The following TACC3 variants were observed in gnomAD, a reference collection of about 807,000 sequenced individuals.
TACC3 encodes the protein transforming acidic coiled-coil-containing protein 3.
A neutral mutation model predicts 86.0 loss-of-function variants in TACC3; 52 were observed. The observed-to-expected ratio is 0.60, with a 90% CI of 0.48 to 0.76. The LOEUF is 0.76. TACC3 is among the 30% of genes least tolerant of loss of function. TACC3 has a pLI of 0.00. For missense variants in TACC3, 1,120 were observed against 1,070.4 expected (o/e 1.05, Z -0.65); for synonymous variants, 512 against 430.0 (o/e 1.19, Z -2.36).
intron 13 of TACC3, among the ~76,000 whole-genome samples, chr4:1,743,033 G>A (rs962390238): frequency 6.6e-6 from 1 of 152,072 alleles, no homozygotes; most frequent in African/African-American, 2.4e-5. Context: ...GGAGGCCAAG[G>A]CGGGAGGATC....
intron 3 of TACC3, among the ~76,000 whole-genome samples, chr4:1,724,380 T>A: frequency 9.5e-6 from 1 of 105,258 alleles, no homozygotes; most frequent in East Asian, 2.4e-4. Flanking sequence ...CATACTTCAC[T>A]TTTTTTTTTT....
At chr4:1,741,283 T>C in intron 13 of TACC3, 1 of 256,926 alleles carries the variant, frequency 3.9e-6, no homozygotes, top group Non-Finnish European at 7.4e-6. Context: ...GAGACAGCGC[T>C]GGTGCACCGG....
At chr4:1,724,239 TG>T (rs1717573910) in intron 3 of TACC3, among the ~76,000 whole-genome samples, 1 of 151,812 alleles carries the variant, frequency 6.6e-6, no homozygotes, top group Non-Finnish European at 1.5e-5. Context: ...CACAAAGTGC[TG>T]GGATTACAGG....
At chr4:1,732,683 T>C (rs933277057) in intron 6 of TACC3, among the ~76,000 whole-genome samples, 1 of 152,238 alleles carries the variant, frequency 6.6e-6, no homozygotes, top group Non-Finnish European at 1.5e-5. Context: ...GGGATGGGCC[T>C]GTCACCCTCA....
At chr4:1,733,194 T>C (rs2108698894) in intron 6 of TACC3, among the ~76,000 whole-genome samples, 1 of 152,344 alleles carries the variant, frequency 6.6e-6, no homozygotes, top group South Asian at 2.1e-4. Flanking sequence ...AGCGTCTTTT[T>C]ATGTGCTCGT....
At chr4:1,736,318 G>C (rs1718259930) in intron 8 of TACC3, among the ~76,000 whole-genome samples, 1 of 148,312 alleles carries the variant, frequency 6.7e-6, no homozygotes, top group South Asian at 2.1e-4. Flanking sequence ...AGCTACTTGG[G>C]AAGCCGAGGC....
chr4:1,738,933 C>A (rs1440280925), intron 10 of TACC3, among the ~76,000 whole-genome samples: 3 of 152,072 alleles, frequency 2.0e-5, no homozygotes, highest in African/African-American at 7.2e-5. Flanking sequence ...ATGTGAACTA[C>A]TGATTAGGAC....
chr4:1,745,085 G>A lies in TACC3; in HGVS notation c.*72G>A, dbSNP rs1414081609. 6 of 1,473,654 alleles carry A rather than the reference G, an allele frequency of 4.1e-6. No homozygotes were observed. Among genetic ancestry groups the A allele is most frequent in the Non-Finnish European group, 4.6e-6 (5 of 1,088,988 alleles). The allele number at this position is 1,473,654 out of a possible 1,614,324, so 91.3% of individuals were successfully genotyped here. A position where few individuals can be genotyped will look rare whatever the true frequency, so the allele number is the denominator to read the frequency against. On this transcript the variant is annotated 3_prime_UTR_variant, in exon 16 of 16. Transcript: ENST00000313288. ...CCTGTCTGATTCTCTTAGGTGTCATGTTCTTTTTTCTGTCTTGTCTTCAAC... is the reference window on the plus strand; with the variant it reads ...CCTGTCTGATTCTCTTAGGTGTCATATTCTTTTTTCTGTCTTGTCTTCAAC...
intron 10 of TACC3, chr4:1,739,433 GACAC>G: frequency 1.9e-6 from 1 of 539,012 alleles, no homozygotes; most frequent in Non-Finnish European, 3.3e-6. Context: ...CAGCTGCAGG[GACAC>G]ACACCTGTTG....
intron 4 of TACC3, among the ~76,000 whole-genome samples, chr4:1,729,167 G>A (rs1212552596): frequency 3.9e-5 from 6 of 152,184 alleles, no homozygotes; most frequent in East Asian, 1.9e-4. Context: ...GGTGGCGTCC[G>A]CTGCTTGCTG....
intron 10 of TACC3, among the ~76,000 whole-genome samples, chr4:1,738,671 C>T (rs1718410462): frequency 6.6e-6 from 1 of 152,170 alleles, no homozygotes; most frequent in South Asian, 2.1e-4. Flanking sequence ...CACACCTGAA[C>T]AAGGGAGGGG....
Position 1,723,716 on chromosome 4 carries a change from A to G in TACC3, c.163-12A>G, listed in dbSNP as rs1481942605. Reference sequence around the variant, plus strand: ...CTAATGAATAGGTGCTCTCCTCCTCACTCCGCAACAGGTGACTTTTCAGAC... The same window carrying G: ...CTAATGAATAGGTGCTCTCCTCCTCGCTCCGCAACAGGTGACTTTTCAGAC... On this transcript the variant is annotated splice_polypyrimidine_tract_variant and intron_variant, in intron 2 of 15. Transcript: ENST00000313288. The G allele has an allele frequency of 2.5e-6, 4 of 1,613,510 alleles. No homozygotes were observed. The Admixed American group carries it at 5.0e-5, about 20-fold the overall frequency.
At chr4:1,723,908 CCT>C (rs776102287) in intron 3 of TACC3, 38 bp downstream of exon 3, 2 of 1,606,722 alleles carry the variant, frequency 1.2e-6, no homozygotes, top group South Asian at 1.1e-5. Flanking sequence ...GGAGCTTCAC[CCT>C]CTCTGTCCGA....
intron 3 of TACC3, among the ~76,000 whole-genome samples, chr4:1,727,046 G>A (rs981978804): frequency 3.3e-5 from 5 of 151,998 alleles, no homozygotes; most frequent in East Asian, 1.9e-4. Flanking sequence ...CAGGAGAATC[G>A]CTTGAACCCC....
chr4:1,738,806 G>T (rs1162763943), intron 10 of TACC3, among the ~76,000 whole-genome samples: 1 of 152,168 alleles, frequency 6.6e-6, no homozygotes, highest in Admixed American at 6.6e-5. Flanking sequence ...GTAAGAGTCA[G>T]AGTGGTGGGG....
chr4:1,732,822 T>C (rs1284091067), intron 6 of TACC3, among the ~76,000 whole-genome samples: 3 of 152,240 alleles, frequency 2.0e-5, no homozygotes, highest in Non-Finnish European at 2.9e-5. Flanking sequence ...GCAGCTTGGC[T>C]TCACATCATC....
chr4:1,722,575 C>T (rs893288497), intron 1 of TACC3, among the ~76,000 whole-genome samples: 3 of 152,196 alleles, frequency 2.0e-5, no homozygotes, highest in Admixed American at 6.5e-5. Context: ...TCTCTCTTCT[C>T]CAGGACCCTC....
Position 1,739,974 on chromosome 4 carries a change from G to A in TACC3, c.2034G>A (p.Arg678=). Reference sequence around the variant, plus strand: ...CCTCCCACAGGAAGATCATGGACAGGTTCGAAGAGGTTGTGTACCAGGCCA... The same window carrying A: ...CCTCCCACAGGAAGATCATGGACAGATTCGAAGAGGTTGTGTACCAGGCCA... ...KNLELGKIMD[R]FEEVVYQAME... Residue 678 remains arginine, a synonymous_variant, in exon 12 of 16, where the codon AGG becomes AGA. Coordinates refer to ENST00000313288, the MANE Select transcript of TACC3 (RefSeq NM_006342.3). 6.2e-7 allele frequency: 1 copy of A among 1,613,126 alleles called. No homozygotes were observed. Among genetic ancestry groups the A allele is most frequent in the Admixed American group, 1.7e-5 (1 of 60,026 alleles).
rs1717541233 is a variant in TACC3 at position 1,723,744 on chromosome 4, C to A, written c.179C>A (p.Pro60His). Reference sequence around the variant, plus strand: ...CCGCAACAGGTGACTTTTCAGACACCTCTGCGGGATCCACAGACGCACAGG... The same window carrying A: ...CCGCAACAGGTGACTTTTCAGACACATCTGCGGGATCCACAGACGCACAGG... ...AKAMKVTFQT[P>H]LRDPQTHRIL... is the part of the protein sequence containing the mutation. Residue 60 changes from proline (P) to histidine (H), a missense_variant, in exon 3 of 16, where the codon CCT (proline) becomes CAT (histidine). Physicochemically the swap from Pro to His is moderately conservative, Grantham distance 77. Coordinates refer to ENST00000313288, the MANE Select transcript of TACC3 (RefSeq NM_006342.3). The A allele has an allele frequency of 6.2e-7, 1 of 1,613,630 alleles. No individual in the cohort carries two copies. Among genetic ancestry groups the A allele is most frequent in the Non-Finnish European group, 8.5e-7 (1 of 1,180,036 alleles).
Sources: gnomAD v4.1 joint callset for allele counts (sites outside exome capture counted in the v4.1 genomes callset) on GRCh38, gnomAD v4.1.1 for gene constraint, MANE v1.5 for transcripts, NCBI Gene and HGNC (gene_info 2026-07-23, HGNC 2026-07-21) for gene names.